IL1R1: variants seen among roughly 807,000 people sequenced by gnomAD.
IL1R1 encodes the protein interleukin-1 receptor type 1.
Under a neutral mutation model 50.2 loss-of-function variants are expected in IL1R1, and 22 were observed. The ratio of observed to expected loss-of-function variants is 0.44; its 90% confidence interval spans 0.31 to 0.63. The LOEUF is 0.63. Among genes scored for constraint, IL1R1 ranks in the 20% least tolerant of loss-of-function variants. The pLI is 0.07. For synonymous variants in IL1R1, 251 were observed against 236.7 expected, an observed-to-expected ratio of 1.06 and a Z score of -0.55; for missense variants, 509 against 676.2, an observed-to-expected ratio of 0.75 and a Z score of 2.74.
intron 1 of IL1R1, among the ~76,000 whole-genome samples, chr2:102,112,173 C>G (rs1222801111): frequency 6.6e-6 from 1 of 151,960 alleles, no homozygotes; most frequent in African/African-American, 2.4e-5. Context: ...CTTGGTGGCT[C>G]TAAGCCCAGA....
At chr2:102,131,892 A>G (rs902227056) in intron 1 of IL1R1, among the ~76,000 whole-genome samples, 6 of 128,832 alleles carry the variant, frequency 4.7e-5, no homozygotes, top group African/African-American at 1.3e-4. Context: ...ACATCATTTC[A>G]TCATAATTAA....
chr2:102,101,236 A>G (rs2104337065), upstream of IL1R1, among the ~76,000 whole-genome samples: 1 of 152,230 alleles, frequency 6.6e-6, no homozygotes, highest in South Asian at 2.1e-4. Context: ...AAGAGTTTAG[A>G]CTATACTGTT....
intron 1 of IL1R1, among the ~76,000 whole-genome samples, chr2:102,109,307 C>T (rs888916158): frequency 2.6e-5 from 4 of 152,126 alleles, no homozygotes; most frequent in South Asian, 2.1e-4. Context: ...ACTAAAGGAA[C>T]ATGCACTCTT....
intron 1 of IL1R1, among the ~76,000 whole-genome samples, chr2:102,089,675 C>T (rs1306205631): frequency 1.3e-5 from 2 of 152,078 alleles, no homozygotes; most frequent in Admixed American, 1.3e-4. Context: ...GTTTGTACCT[C>T]GTTGTCTTCT....
At chr2:102,173,397 G>A (rs3917309) in intron 9 of IL1R1, among the ~76,000 whole-genome samples, 2,091 of 152,216 alleles carry the variant, frequency 0.014, 35 homozygotes, top group African/African-American at 0.042. Flanking sequence ...TTATAATTGC[G>A]TGCATGGAAG....
intron 1 of IL1R1, among the ~76,000 whole-genome samples, chr2:102,114,996 G>A (rs1416045984): frequency 2.6e-5 from 4 of 152,142 alleles, no homozygotes; most frequent in Admixed American, 2.6e-4. Context: ...CATACAAATA[G>A]GGGAAATGTC....
At chr2:102,146,123 G>A (rs1683098855) in intron 1 of IL1R1, among the ~76,000 whole-genome samples, 2 of 152,252 alleles carry the variant, frequency 1.3e-5, no homozygotes, top group South Asian at 4.2e-4. Context: ...TCAGCGAGCT[G>A]TGAACAGGAA....
intron 1 of IL1R1, among the ~76,000 whole-genome samples, chr2:102,116,504 T>C (rs1681079756): frequency 6.6e-6 from 1 of 152,256 alleles, no homozygotes; most frequent in South Asian, 2.1e-4. Flanking sequence ...GGATTAATTT[T>C]ATTACATCCA....
intron 11 of IL1R1, 74 bp downstream of exon 11, chr2:102,175,719 TAGA>T (rs1399851253): frequency 7.1e-7 from 1 of 1,406,130 alleles, no homozygotes; most frequent in East Asian, 2.3e-5. Context: ...TCCATCTTTC[TAGA>T]AGATCGTGGC....
chr2:102,152,758 C>T (rs1167920052), intron 1 of IL1R1, among the ~76,000 whole-genome samples: 4 of 152,008 alleles, frequency 2.6e-5, no homozygotes, highest in Admixed American at 2.6e-4. Flanking sequence ...GGGGGTCTCC[C>T]CTTTGAGTTT....
At chr2:102,084,448 A>G (rs1382966726) in intron 1 of IL1R1, among the ~76,000 whole-genome samples, 1 of 152,220 alleles carries the variant, frequency 6.6e-6, no homozygotes, top group Admixed American at 6.5e-5. Flanking sequence ...TTGAGAAATT[A>G]TCCCCAAAGA....
intron 1 of IL1R1, among the ~76,000 whole-genome samples, chr2:102,131,707 T>C (rs1346656923): frequency 6.7e-6 from 1 of 148,230 alleles, no homozygotes; most frequent in Non-Finnish European, 1.5e-5. Context: ...CACGAAACGG[T>C]GGGAAAATTT....
At chr2:102,141,893 C>T (rs2234651), upstream of IL1R1, 27,428 of 152,150 alleles carry the variant, frequency 0.18, 2,611 homozygotes, top group South Asian at 0.21. Flanking sequence ...TGCGCCCTCC[C>T]CTCCTCTCCC....
intron 5 of IL1R1, 100 bp downstream of exon 5, chr2:102,165,404 T>A (rs1375904503): frequency 1.7e-6 from 1 of 581,062 alleles, no homozygotes; most frequent in Non-Finnish European, 2.8e-6. Flanking sequence ...TTTTGTATAT[T>A]GTTTTCTCTT....
intron 1 of IL1R1, among the ~76,000 whole-genome samples, chr2:102,152,268 G>A (rs1160145561): frequency 6.6e-6 from 1 of 151,798 alleles, no homozygotes; most frequent in Non-Finnish European, 1.5e-5. Flanking sequence ...CACTTTGGGA[G>A]GCTGAGGTGG....
At chr2:102,138,346 T>G (rs1167851908), upstream of IL1R1, among the ~76,000 whole-genome samples, 1 of 152,252 alleles carries the variant, frequency 6.6e-6, no homozygotes, top group Non-Finnish European at 1.5e-5. Context: ...TTGCCTTCAC[T>G]GAGCAAGATT....
At position 102,176,384 on chromosome 2, in the gene IL1R1, G is replaced by A. The variant is rs369509860; in HGVS notation, c.1335G>A (p.Lys445=). The change falls in exon 12 of 12, where the codon AAG becomes AAA. Residue 445 remains lysine (K), a synonymous_variant. Coordinates refer to ENST00000410023, the MANE Select transcript of IL1R1 (RefSeq NM_000877.4). ...DIVEVINENV[K]KSRRLIIILV... ...TTGAGGTCATTAATGAAAACGTAAA[G>A]AAAAGCAGAAGACTGATTATCATTT... 8 of 1,613,950 alleles carry A rather than the reference G, an allele frequency of 5.0e-6. No homozygotes were observed. The highest frequency in any genetic ancestry group is 6.8e-6 in the Non-Finnish European group (8 of 1,180,008).
At chr2:102,081,397 A>G (rs1679202178) in intron 1 of IL1R1, among the ~76,000 whole-genome samples, 2 of 152,196 alleles carry the variant, frequency 1.3e-5, no homozygotes, top group Non-Finnish European at 2.9e-5. Flanking sequence ...CCCAAGATCC[A>G]TGGAAATAAT....
chr2:102,160,818 G>C (rs1684651692), intron 3 of IL1R1, among the ~76,000 whole-genome samples: 1 of 152,130 alleles, frequency 6.6e-6, no homozygotes, highest in Non-Finnish European at 1.5e-5. Flanking sequence ...TTCTGCTTCT[G>C]CCTCCTAACC....
Sources: gnomAD v4.1 joint callset for allele counts (sites outside exome capture counted in the v4.1 genomes callset) on GRCh38, gnomAD v4.1.1 for gene constraint, MANE v1.5 for transcripts, NCBI Gene and HGNC (gene_info 2026-07-23, HGNC 2026-07-21) for gene names.